The following NUMB variants were observed in gnomAD, a reference collection of about 807,000 sequenced individuals.
NUMB encodes NUMB endocytic adaptor protein.
NUMB carries 29 observed loss-of-function variants against 59.7 expected under a neutral mutation model. The ratio of observed to expected loss-of-function variants is 0.49; its 90% confidence interval spans 0.36 to 0.66. The LOEUF is 0.66. Among genes scored for constraint, NUMB ranks in the 30% least tolerant of loss-of-function variants. The pLI is 0.00. For missense variants in NUMB, 723 were observed against 822.0 expected, an observed-to-expected ratio of 0.88 and a Z score of 1.47; for synonymous variants, 288 against 288.2, an observed-to-expected ratio of 1.00 and a Z score of 0.01.
intron 2 of NUMB, among the ~76,000 whole-genome samples, chr14:73,377,762 T>C (rs1211684823): frequency 6.6e-6 from 1 of 152,022 alleles, no homozygotes; most frequent in African/African-American, 2.4e-5. Flanking sequence ...AGGTCAGGAG[T>C]TCGAGACCAG....
At chr14:73,355,160 G>C (rs968787913) in intron 4 of NUMB, among the ~76,000 whole-genome samples, 1 of 152,088 alleles carries the variant, frequency 6.6e-6, no homozygotes, top group African/African-American at 2.4e-5. Context: ...TACAAATGAA[G>C]GCATTAGTTT....
chr14:73,360,057 C>T (rs1894027029), intron 3 of NUMB, among the ~76,000 whole-genome samples: 1 of 152,180 alleles, frequency 6.6e-6, no homozygotes, highest in African/African-American at 2.4e-5. Context: ...CAACTATGTA[C>T]AGATTAGCCA....
intron 2 of NUMB, among the ~76,000 whole-genome samples, chr14:73,368,192 G>A (rs757864555): frequency 3.9e-5 from 6 of 152,108 alleles, no homozygotes; most frequent in Non-Finnish European, 8.8e-5. Context: ...TGGTCACAGA[G>A]TATCTATTCA....
intron 2 of NUMB, among the ~76,000 whole-genome samples, chr14:73,375,097 ATATTAACTTTTATCC>A (rs1165204482): frequency 6.6e-6 from 1 of 152,150 alleles, no homozygotes; most frequent in Non-Finnish European, 1.5e-5. Flanking sequence ...AGCCTGGCCT[ATATTAACTTTTATCC>A]TATTCAAGTC....
chr14:73,425,518 T>G lies in NUMB; in HGVS notation c.-232-15450A>C, dbSNP rs192189399. On this transcript the variant is annotated intron_variant, in intron 1 of 12. Coordinates refer to ENST00000555238, the MANE Select transcript of NUMB (RefSeq NM_001005743.2). ...CACTGCACCTGGCCTAAAATTAAATTTAAATGTCTCACCCAAGTGCCTCAA... is the reference window on the plus strand; with the variant it reads ...CACTGCACCTGGCCTAAAATTAAATGTAAATGTCTCACCCAAGTGCCTCAA... Among the ~76,000 whole-genome samples, 34 of 152,224 alleles carry G rather than the reference T, an allele frequency of 2.2e-4. No individual in the cohort carries two copies. The East Asian group carries it at 6.2e-3, about 28-fold the overall frequency.
intron 1 of NUMB, among the ~76,000 whole-genome samples, chr14:73,452,457 C>T (rs1884056053): frequency 6.6e-6 from 1 of 152,008 alleles, no homozygotes; most frequent in Non-Finnish European, 1.5e-5. Flanking sequence ...AATGTTGAGG[C>T]TGCAGTGAGC....
chr14:73,367,957 T>G (rs1475270944), intron 2 of NUMB, among the ~76,000 whole-genome samples: 3 of 151,984 alleles, frequency 2.0e-5, no homozygotes, highest in African/African-American at 7.2e-5. Context: ...AATCCCACAG[T>G]CCTATATTTA....
intron 1 of NUMB, among the ~76,000 whole-genome samples, chr14:73,432,210 G>T (rs1205967250): frequency 6.6e-6 from 1 of 152,036 alleles, no homozygotes; most frequent in Non-Finnish European, 1.5e-5. Flanking sequence ...AGATTTGAAA[G>T]AATAATCAAG....
At chr14:73,394,762 A>G (rs998163476) in intron 2 of NUMB, among the ~76,000 whole-genome samples, 2 of 152,198 alleles carry the variant, frequency 1.3e-5, no homozygotes, top group East Asian at 1.9e-4. Flanking sequence ...GACTCCACTT[A>G]TAAGTGAAAT....
At chr14:73,277,995 G>A (rs1254227833) in intron 12 of NUMB, among the ~76,000 whole-genome samples, 1 of 135,882 alleles carries the variant, frequency 7.4e-6, no homozygotes, top group African/African-American at 2.8e-5. Context: ...GAGGCAGAGG[G>A]TGCAGTGAAC....
intron 4 of NUMB, among the ~76,000 whole-genome samples, chr14:73,341,861 C>T (rs1029441608): frequency 2.0e-5 from 3 of 152,084 alleles, no homozygotes; most frequent in Admixed American, 6.6e-5. Flanking sequence ...AGGGAGAGAA[C>T]CCTCTAGAGC....
chr14:73,443,978 G>A (rs2140192816), intron 1 of NUMB, among the ~76,000 whole-genome samples: 1 of 152,104 alleles, frequency 6.6e-6, no homozygotes, highest in Middle Eastern at 3.4e-3. Context: ...CGCAATCTCG[G>A]CTCACTGCAA....
chr14:73,431,272 T>C (rs1164082416), intron 1 of NUMB, among the ~76,000 whole-genome samples: 1 of 150,718 alleles, frequency 6.6e-6, no homozygotes, highest in Non-Finnish European at 1.5e-5. Context: ...TTTTTTTTTT[T>C]TGAGACAGAG....
Position 73,355,660 on chromosome 14 carries a change from C to T in NUMB, c.92G>A (p.Gly31Asp). The T allele has an allele frequency of 6.2e-7, 1 of 1,613,790 alleles. No homozygotes were observed. Among genetic ancestry groups the T allele is most frequent in the Non-Finnish European group, 8.5e-7 (1 of 1,179,836 alleles). ...RPHQWQTDEE[G>D]VRTGKCSFPV... is the part of the protein sequence containing the mutation. ...GAAGCTACATTTTCCGGTGCGAACG[C>T]CTTCTTCATCTGTCTGCCACTGATG... The change falls in exon 4 of 13, where the codon GGC becomes GAC. Residue 31 changes from glycine to aspartate, a missense_variant. Around this residue, in one of 2 missense-constraint regions of NUMB, gnomAD observed 317 missense variants for 436.6 expected, o/e 0.73. Coordinates refer to ENST00000555238, the MANE Select transcript of NUMB (RefSeq NM_001005743.2).
chr14:73,350,220 C>T (rs956648851), intron 4 of NUMB, among the ~76,000 whole-genome samples: 3 of 144,632 alleles, frequency 2.1e-5, no homozygotes, highest in Non-Finnish European at 3.0e-5. Context: ...ATCACCCAGG[C>T]TGGGGTGCAG....
At position 73,372,315 on chromosome 14, in the gene NUMB, A is replaced by ATATATATATATATATATAACCTTT. The variant is rs1555375690; in HGVS notation, c.-100-5335_-100-5334insAAAGGTTATATATATATATATATA. Among the ~76,000 whole-genome samples, 138 of 105,360 alleles carry ATATATATATATATATATAACCTTT rather than the reference A, an allele frequency of 1.3e-3. 1 individual carries two copies. Among genetic ancestry groups the ATATATATATATATATATAACCTTT allele is most frequent in the African/African-American group, 4.6e-3 (132 of 28,662 alleles). 69.1% of individuals were successfully genotyped at this position (105,360 alleles called of 152,430 possible). A position where few individuals can be genotyped will look rare whatever the true frequency, so the allele number is the denominator to read the frequency against. On this transcript the variant is annotated intron_variant, in intron 2 of 12. Coordinates refer to ENST00000555238, the MANE Select transcript of NUMB (RefSeq NM_001005743.2). ...ATATATATATTTCTTTTATATATAT[A>ATATATATATATATATATAACCTTT]TATATATATATATATATATATAACC...
At chr14:73,439,956 A>C (rs1358826172) in intron 1 of NUMB, among the ~76,000 whole-genome samples, 1 of 152,202 alleles carries the variant, frequency 6.6e-6, no homozygotes, top group Non-Finnish European at 1.5e-5. Context: ...TAAGGTTAAC[A>C]TAAGGATGAA....
rs1339815992 is a variant in NUMB, at chr14:73,355,765, G to A, written c.-14C>T. ...TAATTTGTTCATTTTAATTTTTACA[G>A]CCTGAAGACAGAGGAAAAAAAATAT... is the stretch of plus-strand genomic sequence containing the variant. On this transcript the variant is annotated splice_region_variant and 5_prime_UTR_variant, in exon 4 of 13. Transcript: ENST00000555238. 6.3e-7 allele frequency: 1 copy of A among 1,597,244 alleles called. No individual in the cohort carries two copies. The highest frequency in any genetic ancestry group is 1.1e-5 in the South Asian group (1 of 88,610).
rs142652868 is a variant in NUMB, at chr14:73,290,076, T to A, written c.450+2658A>T. ...AGGTGATTTTGATACAGTAGAACTATTGGCCTAGGAGATTCAAACAGGCTG... is the reference window on the plus strand; with the variant it reads ...AGGTGATTTTGATACAGTAGAACTAATGGCCTAGGAGATTCAAACAGGCTG... On this transcript the variant is annotated intron_variant, in intron 8 of 12. Coordinates refer to ENST00000555238, the MANE Select transcript of NUMB (RefSeq NM_001005743.2). Among the ~76,000 whole-genome samples the A allele has an allele frequency of 1.0e-3, 154 of 152,320 alleles. 1 individual carries two copies. Among genetic ancestry groups the A allele is most frequent in the African/African-American group, 2.2e-3 (92 of 41,582 alleles).
Sources: gnomAD v4.1 joint callset for allele counts (sites outside exome capture counted in the v4.1 genomes callset) on GRCh38, gnomAD v4.1.1 for gene constraint, gnomAD v4.1.1 regional missense constraint, MANE v1.5 for transcripts, NCBI Gene and HGNC (gene_info 2026-07-23, HGNC 2026-07-21) for gene names.